CCDC190: variants seen among roughly 807,000 people sequenced by gnomAD.
The protein encoded by CCDC190 is coiled-coil domain-containing protein 190.
CCDC190 carries 10 observed loss-of-function variants against 13.1 expected under a neutral mutation model. The observed-to-expected ratio is 0.77, with a 90% confidence interval of 0.47 to 1.30. CCDC190 has a LOEUF of 1.30. Among genes scored for constraint, CCDC190 ranks in the 50% most tolerant of loss-of-function variants. The pLI, the probability that CCDC190 is intolerant of heterozygous loss-of-function variation, is 0.00. For synonymous variants in CCDC190, 136 were observed against 127.2 expected, an observed-to-expected ratio of 1.07 and a Z score of -0.47; for missense variants, 375 against 354.3, an observed-to-expected ratio of 1.06 and a Z score of -0.47.
Position 162,852,985 on chromosome 1 carries a change from T to C in CCDC190, c.*1780A>G. 1 of 795,690 alleles carries C rather than the reference T, an allele frequency of 1.3e-6. No individual in the cohort carries two copies. Among genetic ancestry groups the C allele is most frequent in the Middle Eastern group, 2.5e-4 (1 of 4,062 alleles). The allele number at this position is 795,690 out of a possible 1,614,324, so 49.3% of individuals were successfully genotyped here. The stretch of plus-strand genomic sequence containing the variant: ...CTAATTGTTGTATGCCTATTCATGT[T>C]GGCCCAGGCATGGCTGGTGCAAATA... On this transcript the variant is annotated 3_prime_UTR_variant, in exon 4 of 4. Transcript: ENST00000367912.
Position 162,853,132 on chromosome 1 carries a change from T to C in CCDC190, c.*1633A>G. ...CTTGTGTTCCTTTCACTATAAAGTA[T>C]TGTCTCCCCATTGAAGGCCAGAGGC... On this transcript the variant is annotated 3_prime_UTR_variant, in exon 4 of 4. Transcript: ENST00000367912. 1 of 1,550,288 alleles carries C rather than the reference T, an allele frequency of 6.5e-7. No individual in the cohort carries two copies. Among genetic ancestry groups the C allele is most frequent in the Non-Finnish European group, 8.7e-7 (1 of 1,146,670 alleles).
intron 2 of CCDC190, 88 bp from the exon 3 acceptor site, chr1:162,855,843 TG>T (rs1650284908): frequency 4.1e-6 from 5 of 1,211,272 alleles, no homozygotes; most frequent in Non-Finnish European, 4.6e-6. Context: ...TACCTTAGGG[TG>T]GGACCTTATT....
upstream of CCDC190, among the ~76,000 whole-genome samples, chr1:162,863,816 C>T (rs979815811): frequency 3.9e-5 from 6 of 152,002 alleles, no homozygotes; most frequent in Non-Finnish European, 8.8e-5. Flanking sequence ...GTCACGAGTT[C>T]GAGACCAGCC....
intron 2 of CCDC190, chr1:162,856,047 C>T (rs10917615): frequency 0.16 from 35,101 of 214,754 alleles, 3,133 homozygotes; most frequent in African/African-American, 0.22. Flanking sequence ...CAGAGCCTGC[C>T]CTCACAATTT....
At chr1:162,861,192 C>G (rs943685640), upstream of CCDC190, among the ~76,000 whole-genome samples, 7 of 146,468 alleles carry the variant, frequency 4.8e-5, no homozygotes, top group African/African-American at 1.5e-4. Context: ...AAGCTCTCTT[C>G]GTCCCTCCCT....
In CCDC190 at chr1:162,860,397, A is replaced by G. The variant is rs1650464772; in HGVS notation, c.-13+611T>C. ...AGACTTTAGATGCTCTCCTCCCTCC[A>G]TGTACCCTGATGTCTAAGCCCACAC... On this transcript the variant is annotated intron_variant, in intron 1 of 3. Coordinates refer to ENST00000367912, the MANE Select transcript of CCDC190 (RefSeq NM_001394065.1). 1.3e-5 allele frequency among the ~76,000 whole-genome samples: 2 copies of G among 152,074 alleles called. 1 individual carries two copies. The highest frequency in any genetic ancestry group is 4.1e-4 in the South Asian group (2 of 4,820).
At chr1:162,865,897 T>A (rs1557811242), upstream of CCDC190, among the ~76,000 whole-genome samples, 1 of 152,152 alleles carries the variant, frequency 6.6e-6, no homozygotes, top group African/African-American at 2.4e-5. Flanking sequence ...GCTACTTCAG[T>A]GAGGCAAGAA....
Position 162,855,616 on chromosome 1 carries a change from G to C in CCDC190, c.311+16C>G. The C allele has an allele frequency of 1.2e-6, 2 of 1,612,544 alleles. No individual in the cohort carries two copies. The highest frequency in any genetic ancestry group is 1.7e-6 in the Non-Finnish European group (2 of 1,179,388). On this transcript the variant is annotated intron_variant, in intron 3 of 3. Transcript: ENST00000367912. ...ACTTAATGTCATACCCATGGGTTTA[G>C]TAATCCATTTCTTACCTCATTTTCT...
rs973239085 is a variant in CCDC190, at chr1:162,861,110, G to T, written c.-115C>A. ...TTATTTTTCTTCAGTAAACTTAGGA[G>T]TTTGGTGTTTGGAGAAAGGATAGAG... On this transcript the variant is annotated 5_prime_UTR_variant, in exon 1 of 4. Transcript: ENST00000367912. The T allele has an allele frequency of 4.1e-6, 3 of 725,268 alleles. No homozygotes were observed. The highest frequency in any genetic ancestry group is 5.1e-6 in the Non-Finnish European group (3 of 592,160). The allele number at this position is 725,268 out of a possible 1,614,324, so 44.9% of individuals were successfully genotyped here.
At chr1:162,856,690 T>A (rs1242415005) in intron 2 of CCDC190, among the ~76,000 whole-genome samples, 2 of 152,176 alleles carry the variant, frequency 1.3e-5, no homozygotes, top group African/African-American at 4.8e-5. Context: ...AAATCTACAG[T>A]TCGGTTAGTA....
In CCDC190 at chr1:162,852,427, G is replaced by T. The variant is rs1020213526; in HGVS notation, c.*2338C>A. ...AGAATTTAATGAGTTACACAAGAAA[G>T]GTTCCATGCAGCAGCGTTCTCTTTG... is the stretch of plus-strand genomic sequence containing the variant. On this transcript the variant is annotated 3_prime_UTR_variant, in exon 4 of 4. Coordinates refer to ENST00000367912, the MANE Select transcript of CCDC190 (RefSeq NM_001394065.1). 1 of 152,266 alleles carries T rather than the reference G, an allele frequency of 6.6e-6. No individual in the cohort carries two copies. Among genetic ancestry groups the T allele is most frequent in the African/African-American group, 2.4e-5 (1 of 41,460 alleles). 9.4% of individuals were successfully genotyped at this position (152,266 alleles called of 1,614,324 possible). A position where few individuals can be genotyped will look rare whatever the true frequency, so the allele number is the denominator to read the frequency against.
chr1:162,863,836 T>C (rs1047996579), upstream of CCDC190, among the ~76,000 whole-genome samples: 1 of 152,014 alleles, frequency 6.6e-6, no homozygotes, highest in Non-Finnish European at 1.5e-5. Flanking sequence ...CTGGCCAACA[T>C]GGTGAAACCC....
intron 1 of CCDC190, among the ~76,000 whole-genome samples, chr1:162,867,719 T>G (rs915086745): frequency 5.9e-5 from 9 of 152,302 alleles, no homozygotes; most frequent in Non-Finnish European, 1.2e-4. Flanking sequence ...AAACAAATTG[T>G]GGTTCATCCA....
Position 162,855,256 on chromosome 1 carries a change from G to A in CCDC190, c.415C>T (p.Pro139Ser). The change falls in exon 4 of 4, where the codon CCA becomes TCA. Residue 139 changes from proline to serine, a missense_variant. Pro to Ser is a moderately conservative substitution (Grantham distance 74). Coordinates refer to ENST00000367912, the MANE Select transcript of CCDC190 (RefSeq NM_001394065.1). ...GCAGTTCTGTTATTTTGAGAGAGTG[G>A]CTGCTTTTTGCTCTTCATGGGGTCT... ...LKDPMKSKKQ[P>S]LSQNNRTACF... The A allele has an allele frequency of 6.2e-7, 1 of 1,613,936 alleles. No homozygotes were observed. The highest frequency in any genetic ancestry group is 1.3e-5 in the African/African-American group (1 of 75,020).
At chr1:162,860,896 TA>T in intron 1 of CCDC190, 111 bp downstream of exon 1, 3 of 382,314 alleles carry the variant, frequency 7.8e-6, no homozygotes, top group Non-Finnish European at 1.1e-5. Context: ...AGCTTAACAT[TA>T]AAAAGGAAGA....
chr1:162,867,543 A>G (rs1650750135), intron 1 of CCDC190, among the ~76,000 whole-genome samples: 1 of 152,224 alleles, frequency 6.6e-6, no homozygotes, highest in South Asian at 2.1e-4. Flanking sequence ...ACAAAATTCA[A>G]CATATACTTA....
rs1171338214 is a variant in CCDC190 at position 162,854,856 on chromosome 1, A to G, written c.815T>C (p.Ile272Thr). ...TTCCCCATGCCCAAATATCTCTCCA[A>G]TGCTAAGCAACCTCTCAGACTCAGG... ...VPPESERLLSIGEIFGHGESS... is the reference protein window; with the variant it reads ...VPPESERLLSTGEIFGHGESS... The change falls in exon 4 of 4, where the codon ATT (isoleucine) becomes ACT (threonine). Residue 272 changes from isoleucine (I) to threonine (T), a missense_variant. Coordinates refer to ENST00000367912, the MANE Select transcript of CCDC190 (RefSeq NM_001394065.1). The G allele has an allele frequency of 1.2e-6, 2 of 1,613,986 alleles. No homozygotes were observed. Among genetic ancestry groups the G allele is most frequent in the Non-Finnish European group, 1.7e-6 (2 of 1,179,876 alleles).
chr1:162,855,484 G>A lies in CCDC190; in HGVS notation c.312-125C>T, dbSNP rs1650269574. 2.7e-6 allele frequency: 4 copies of A among 1,457,492 alleles called. No individual in the cohort carries two copies. In the Admixed American group the frequency reaches 8.6e-5, roughly 31 times the overall value. 90.3% of individuals were successfully genotyped at this position (1,457,492 alleles called of 1,614,324 possible). A position where few individuals can be genotyped will look rare whatever the true frequency, so the allele number is the denominator to read the frequency against. The stretch of plus-strand genomic sequence containing the variant: ...AAGGTAATATAGGTGGGAATGGGGT[G>A]GAGGGTGAAACTGAGTAGTAACAAT... On this transcript the variant is annotated intron_variant, in intron 3 of 3. Transcript: ENST00000367912.
intron 1 of CCDC190, among the ~76,000 whole-genome samples, chr1:162,860,638 A>G (rs1296716279): frequency 1.3e-5 from 2 of 151,720 alleles, no homozygotes; most frequent in African/African-American, 4.8e-5. Flanking sequence ...GCTCACTGCA[A>G]CCTCTACCTC....
Sources: allele counts gnomAD v4.1 joint callset (sites outside exome capture counted in the v4.1 genomes callset), GRCh38; gene constraint gnomAD v4.1.1; transcripts MANE v1.5; gene names NCBI Gene and HGNC (gene_info 2026-07-23, HGNC 2026-07-21).